The following SLC9A9 variants were observed in gnomAD, a reference collection of about 807,000 sequenced individuals.
The protein encoded by SLC9A9 is sodium/hydrogen exchanger 9.
SLC9A9 carries 62 observed loss-of-function variants against 77.8 expected under a neutral mutation model. That is an observed-to-expected ratio of 0.80 (90% CI 0.65 to 0.98). The LOEUF (loss-of-function observed/expected upper bound fraction) is 0.98. Ranked by LOEUF, SLC9A9 falls within the 50% of genes least tolerant of loss-of-function variation. The probability of loss-of-function intolerance (pLI) is 0.00; values close to 1 mark genes in which losing one functional copy is unlikely to be tolerated. For missense variants in SLC9A9, 775 were observed against 774.9 expected, an observed-to-expected ratio of 1.00 and a Z score of 0.00; for synonymous variants, 320 against 283.5, an observed-to-expected ratio of 1.13 and a Z score of -1.29.
chr3:143,307,378 T>G (rs957622324), intron 14 of SLC9A9, among the ~76,000 whole-genome samples: 10 of 152,232 alleles, frequency 6.6e-5, no homozygotes, highest in African/African-American at 2.4e-4. Context: ...CTGTAAATAT[T>G]TATGGATTTA....
At chr3:143,392,311 A>C (rs1488903004) in intron 12 of SLC9A9, among the ~76,000 whole-genome samples, 1 of 152,220 alleles carries the variant, frequency 6.6e-6, no homozygotes. Flanking sequence ...TTCTTAAAGA[A>C]AAGAATTTTC....
intron 2 of SLC9A9, among the ~76,000 whole-genome samples, chr3:143,824,203 C>G (rs2009241932): frequency 6.6e-6 from 1 of 151,846 alleles, no homozygotes. Context: ...CTGCCCTTCT[C>G]TACTTTAAAA....
At chr3:143,641,113 A>C (rs2038613812) in intron 6 of SLC9A9, among the ~76,000 whole-genome samples, 1 of 152,144 alleles carries the variant, frequency 6.6e-6, no homozygotes, top group South Asian at 2.1e-4. Context: ...GAGTAAGAGA[A>C]ACTAGGAAGA....
At chr3:143,791,292 C>T (rs554266166) in intron 4 of SLC9A9, among the ~76,000 whole-genome samples, 29 of 152,304 alleles carry the variant, frequency 1.9e-4, no homozygotes, top group Admixed American at 5.2e-4. Context: ...ATATGAAAAA[C>T]GGTTTACATC....
intron 8 of SLC9A9, among the ~76,000 whole-genome samples, chr3:143,566,566 A>G (rs796814842): frequency 5.3e-5 from 8 of 151,760 alleles, no homozygotes; most frequent in African/African-American, 1.9e-4. Flanking sequence ...ATATTTCTGG[A>G]TGCCTGTTTT....
At chr3:143,490,531 C>T (rs1329238552) in intron 11 of SLC9A9, among the ~76,000 whole-genome samples, 1 of 152,006 alleles carries the variant, frequency 6.6e-6, no homozygotes, top group African/African-American at 2.4e-5. Context: ...GGGGAATGAA[C>T]TGTTCAATGG....
At chr3:143,613,606 A>G (rs2038053974) in intron 6 of SLC9A9, among the ~76,000 whole-genome samples, 1 of 152,126 alleles carries the variant, frequency 6.6e-6, no homozygotes, top group Non-Finnish European at 1.5e-5. Context: ...TTGTTTTTTT[A>G]TAATTGGACA....
At chr3:143,358,171 T>C (rs1393044992) in intron 14 of SLC9A9, among the ~76,000 whole-genome samples, 2 of 152,140 alleles carry the variant, frequency 1.3e-5, no homozygotes, top group African/African-American at 2.4e-5. Context: ...CTGTACAAGA[T>C]GGGGTCTGGT....
chr3:143,394,148 A>C (rs1396600751), intron 12 of SLC9A9, among the ~76,000 whole-genome samples: 2 of 152,198 alleles, frequency 1.3e-5, no homozygotes, highest in Non-Finnish European at 2.9e-5. Context: ...GACACAACAA[A>C]AAAAAGAGAA....
chr3:143,504,597 T>A (rs966751725), intron 9 of SLC9A9, among the ~76,000 whole-genome samples: 2 of 152,210 alleles, frequency 1.3e-5, no homozygotes, highest in Non-Finnish European at 2.9e-5. Flanking sequence ...GATCCTTCTA[T>A]ATCTAAAGCA....
intron 13 of SLC9A9, among the ~76,000 whole-genome samples, chr3:143,366,925 C>T (rs1203219959): frequency 6.6e-6 from 1 of 152,128 alleles, no homozygotes; most frequent in Non-Finnish European, 1.5e-5. Context: ...ATACATACCC[C>T]AAAACATAAT....
intron 14 of SLC9A9, among the ~76,000 whole-genome samples, chr3:143,275,560 TC>T (rs1938020793): frequency 6.6e-6 from 1 of 152,192 alleles, no homozygotes; most frequent in Non-Finnish European, 1.5e-5. Context: ...ATTTTTTTCT[TC>T]CCCTTCACCT....
chr3:143,823,073 C>T (rs533581976), intron 2 of SLC9A9, among the ~76,000 whole-genome samples: 1 of 152,302 alleles, frequency 6.6e-6, no homozygotes, highest in Admixed American at 6.5e-5. Flanking sequence ...AAAGGAGCTA[C>T]TGACAAGCAG....
At chr3:143,589,613 T>A (rs542837867) in intron 6 of SLC9A9, among the ~76,000 whole-genome samples, 1 of 152,220 alleles carries the variant, frequency 6.6e-6, no homozygotes, top group Non-Finnish European at 1.5e-5. Flanking sequence ...CTTGTGTAAG[T>A]ACACTCCATA....
chr3:143,655,559 C>A, intron 5 of SLC9A9: 1 of 985,332 alleles, frequency 1.0e-6, no homozygotes, highest in Non-Finnish European at 1.2e-6. Context: ...GTTCCTTCTC[C>A]TCTACATACC....
chr3:143,718,104 AG>A lies in SLC9A9; in HGVS notation c.534-24798del, dbSNP rs1182937267. 2.0e-5 allele frequency among the ~76,000 whole-genome samples: 3 copies of A among 151,872 alleles called. No individual in the cohort carries two copies. The South Asian group carries it at 6.2e-4, about 32-fold the overall frequency. ...TGGAGTTAAACAGGAAAAAAAAAAA[AG>A]ATAGTGCATCCCACCTAAGCCATTT... On this transcript the variant is annotated intron_variant, in intron 4 of 15. Transcript: ENST00000316549.
At chr3:143,315,343 A>G (rs764040229) in intron 14 of SLC9A9, among the ~76,000 whole-genome samples, 6 of 152,196 alleles carry the variant, frequency 3.9e-5, no homozygotes, top group African/African-American at 7.2e-5. Flanking sequence ...TCATCCTGAC[A>G]GGGCTGATGG....
chr3:143,511,500 T>C (rs2036115100), intron 9 of SLC9A9, among the ~76,000 whole-genome samples: 1 of 152,232 alleles, frequency 6.6e-6, no homozygotes, highest in Non-Finnish European at 1.5e-5. Context: ...TGATTGAGAA[T>C]GATAAATGGT....
intron 14 of SLC9A9, among the ~76,000 whole-genome samples, chr3:143,299,374 A>ACTG (rs1418648015): frequency 5.3e-5 from 8 of 151,902 alleles, no homozygotes; most frequent in African/African-American, 1.9e-4. Flanking sequence ...GCTTTAATGG[A>ACTG]CTGGTTCTCA....
Sources: gnomAD v4.1 joint callset for allele counts (sites outside exome capture counted in the v4.1 genomes callset) on GRCh38, gnomAD v4.1.1 for gene constraint, MANE v1.5 for transcripts, NCBI Gene and HGNC (gene_info 2026-07-23, HGNC 2026-07-21) for gene names.